FBXO42: variants seen among roughly 807,000 people sequenced by gnomAD.
The protein encoded by FBXO42 is F-box protein 42.
Under a neutral mutation model 71.7 loss-of-function variants are expected in FBXO42, and 12 were observed. The ratio of observed to expected loss-of-function variants is 0.17; its 90% CI spans 0.11 to 0.27. FBXO42 has a LOEUF of 0.27. FBXO42 is among the 10% of genes least tolerant of loss of function. FBXO42 has a pLI of 1.00. For synonymous variants in FBXO42, 325 were observed against 327.5 expected (o/e 0.99, Z 0.08); for missense variants, 707 against 911.9 (o/e 0.78, Z 2.89).
At position 16,251,678 on chromosome 1, in the gene FBXO42, G is replaced by T; in HGVS notation, c.1146C>A (p.Leu382=). The change falls in exon 10 of 10, where the codon CTC becomes CTA. Residue 382 remains leucine, a synonymous_variant. Transcript: ENST00000375592. This position sits in a 1 kb window ranked among gnomAD's most constrained non-coding sequence, Gnocchi z 4.5. ...PSPISATPPA[L]VPETREYRSQ... ...AGCGGTACTCTCGGGTTTCAGGAAC[G>T]AGAGCTGGAGGAGTGGCACTGATAG... The T allele has an allele frequency of 6.2e-7, 1 of 1,614,214 alleles. No individual in the cohort carries two copies. The highest frequency in any genetic ancestry group is 1.1e-5 in the South Asian group (1 of 91,080).
At chr1:16,268,139 G>T (rs2081799040) in intron 4 of FBXO42, among the ~76,000 whole-genome samples, 1 of 151,836 alleles carries the variant, frequency 6.6e-6, no homozygotes, top group Non-Finnish European at 1.5e-5. Context: ...GGGGCATAGG[G>T]GGTACTCTTT....
chr1:16,308,167 G>C (rs1401345218), intron 2 of FBXO42, among the ~76,000 whole-genome samples: 1 of 151,988 alleles, frequency 6.6e-6, no homozygotes, highest in Non-Finnish European at 1.5e-5. Flanking sequence ...TTTTAATAGA[G>C]GTGGGGTCTC....
intron 2 of FBXO42, among the ~76,000 whole-genome samples, chr1:16,314,743 G>A (rs1439821813): frequency 6.6e-6 from 1 of 152,058 alleles, no homozygotes; most frequent in African/African-American, 2.4e-5. Flanking sequence ...AATCAGCCGG[G>A]CGTGGTGGCA....
intron 2 of FBXO42, among the ~76,000 whole-genome samples, chr1:16,312,370 A>C (rs2082321379): frequency 6.6e-6 from 1 of 152,168 alleles, no homozygotes; most frequent in Admixed American, 6.5e-5. Flanking sequence ...TCAAAAAATA[A>C]GGAGGAAACT....
At chr1:16,319,172 G>A (rs147749504) in intron 1 of FBXO42, among the ~76,000 whole-genome samples, 128 of 152,204 alleles carry the variant, frequency 8.4e-4, no homozygotes, top group Non-Finnish European at 1.3e-3. Context: ...GGAAGGAAAC[G>A]AAGAGTAATC....
Position 16,315,379 on chromosome 1 carries a change from C to T in FBXO42, c.40G>A (p.Ala14Thr), listed in dbSNP as rs778241299. Residue 14 changes from alanine to threonine, a missense_variant, in exon 2 of 10, where the codon GCT (alanine) becomes ACT (threonine). By Grantham distance (58) the Ala-to-Thr change is moderately conservative. This residue lies in a region of FBXO42 where 188 missense variants were observed against 230.5 expected (regional missense o/e 0.82). Coordinates refer to ENST00000375592, the MANE Select transcript of FBXO42 (RefSeq NM_018994.3). ...SSDSEDDSFM[A>T]VDQEETVLEG... ...AGCACAGTTTCTTCCTGGTCCACAG[C>T]CATGAAACTGTCATCTTCACTGTCC... is the stretch of plus-strand genomic sequence containing the variant. The T allele has an allele frequency of 6.2e-7, 1 of 1,614,168 alleles. No homozygotes were observed. The highest frequency in any genetic ancestry group is 8.5e-7 in the Non-Finnish European group (1 of 1,180,026).
intron 1 of FBXO42, among the ~76,000 whole-genome samples, chr1:16,344,630 C>A (rs990931034): frequency 2.0e-5 from 3 of 151,806 alleles, no homozygotes; most frequent in Non-Finnish European, 4.4e-5. Flanking sequence ...GCCACAGCAC[C>A]CATCCAGTTG....
At chr1:16,263,782 CA>C (rs1444020329) in intron 4 of FBXO42, among the ~76,000 whole-genome samples, 1 of 146,414 alleles carries the variant, frequency 6.8e-6, no homozygotes, top group Non-Finnish European at 1.5e-5. Flanking sequence ...AAAACAAAAA[CA>C]AAAAACCCAC....
At position 16,252,501 on chromosome 1, in the gene FBXO42, T is replaced by C. The variant is rs2081603900; in HGVS notation, c.922-97A>G. ...AGTCTCAAAGCTCTCCTGTCTGGTC[T>C]TGAAAGGATGTGGACTCTTCAGAAG... On this transcript the variant is annotated intron_variant, in intron 8 of 9. Coordinates refer to ENST00000375592, the MANE Select transcript of FBXO42 (RefSeq NM_018994.3). The surrounding 1 kb of genome is among the most constrained non-coding windows in gnomAD (Gnocchi z 4.4). The C allele has an allele frequency of 6.2e-6, 6 of 974,408 alleles. No individual in the cohort carries two copies. Among genetic ancestry groups the C allele is most frequent in the Non-Finnish European group, 9.7e-6 (6 of 618,704 alleles). The allele number at this position is 974,408 out of a possible 1,614,324, so 60.4% of individuals were successfully genotyped here. A position where few individuals can be genotyped will look rare whatever the true frequency, so the allele number is the denominator to read the frequency against.
chr1:16,292,095 A>G (rs1234052598), intron 4 of FBXO42, among the ~76,000 whole-genome samples: 1 of 152,218 alleles, frequency 6.6e-6, no homozygotes, highest in Non-Finnish European at 1.5e-5. Context: ...TCTTTGAGAC[A>G]TTTTGTTAGA....
intron 2 of FBXO42, among the ~76,000 whole-genome samples, chr1:16,311,499 A>ATATATAT (rs1553153690): frequency 2.9e-5 from 2 of 68,708 alleles, no homozygotes; most frequent in Non-Finnish European, 6.7e-5. Context: ...AAAAAAAAAA[A>ATATATAT]AAAAATATAT....
intron 1 of FBXO42, among the ~76,000 whole-genome samples, chr1:16,334,093 G>C (rs1353560228): frequency 6.6e-6 from 1 of 152,016 alleles, no homozygotes; most frequent in Non-Finnish European, 1.5e-5. Flanking sequence ...ATGAAATTCA[G>C]CTACCAGACA....
At position 16,251,609 on chromosome 1, in the gene FBXO42, G is replaced by T. The variant is rs146643943; in HGVS notation, c.1215C>A (p.Asn405Lys). Residue 405 changes from asparagine (N) to lysine (K), a missense_variant, in exon 10 of 10, where the codon AAC (asparagine) becomes AAA (lysine). By Grantham distance (94) the Asn-to-Lys change is moderately conservative. Around this residue, in one of 5 missense-constraint regions of FBXO42, gnomAD observed 482 missense variants for 587.1 expected, o/e 0.82. Transcript: ENST00000375592. The surrounding 1 kb of genome is among the most constrained non-coding windows in gnomAD (Gnocchi z 4.5). ...VRSMDEAPCV[N>K]GRWGTLRPRA... ...TGGGTCTCAGTGTTCCCCAGCGGCCGTTAACACAAGGAGCTTCATCCATGC... is the reference window on the plus strand; with the variant it reads ...TGGGTCTCAGTGTTCCCCAGCGGCCTTTAACACAAGGAGCTTCATCCATGC... The T allele has an allele frequency of 6.2e-7, 1 of 1,614,178 alleles. No individual in the cohort carries two copies. The highest frequency in any genetic ancestry group is 8.5e-7 in the Non-Finnish European group (1 of 1,180,042).
In FBXO42 at chr1:16,251,193, GC is replaced by G; in HGVS notation, c.1630del (p.Ala544ProfsTer34). On this transcript the variant is annotated frameshift_variant, in exon 10 of 10. Transcript: ENST00000375592. LOFTEE classifies it high-confidence loss of function. The surrounding 1 kb of genome is among the most constrained non-coding windows in gnomAD (Gnocchi z 4.5). The part of the protein sequence containing the change: ...TNGVHTPPHV[A>X]SALAGAVSPG... ...GGAGACGGCCCCTGCAAGGGCACTG[GC>G]CACGTGAGGTGGGGTATGCACACCA... 6.2e-7 allele frequency: 1 copy of G among 1,614,162 alleles called. No homozygotes were observed. Among genetic ancestry groups the G allele is most frequent in the South Asian group, 1.1e-5 (1 of 91,084 alleles).
chr1:16,273,261 C>T (rs1249357112), intron 4 of FBXO42, among the ~76,000 whole-genome samples: 8 of 152,156 alleles, frequency 5.3e-5, no homozygotes, highest in Non-Finnish European at 1.0e-4. Flanking sequence ...GTATTACTAA[C>T]GAGCCTCCTT....
chr1:16,319,695 G>A (rs1257172717), intron 1 of FBXO42, among the ~76,000 whole-genome samples: 1 of 151,674 alleles, frequency 6.6e-6, no homozygotes, highest in African/African-American at 2.4e-5. Context: ...GGCGGATCAC[G>A]AGCTCGGGAG....
Position 16,315,444 on chromosome 1 carries a change from G to C in FBXO42, c.-17-9C>G. The C allele has an allele frequency of 2.5e-6, 4 of 1,607,822 alleles. No homozygotes were observed. The highest frequency in any genetic ancestry group is 3.4e-6 in the Non-Finnish European group (4 of 1,176,642). On this transcript the variant is annotated splice_polypyrimidine_tract_variant and intron_variant, in intron 1 of 9. Transcript: ENST00000375592. ...GACATTCCACTCAACAGCTGTAATAGGTAAAACATAAATATCAGTATTCCA... is the reference window on the plus strand; with the variant it reads ...GACATTCCACTCAACAGCTGTAATACGTAAAACATAAATATCAGTATTCCA...
intron 1 of FBXO42, among the ~76,000 whole-genome samples, chr1:16,330,217 G>T (rs765642023): frequency 2.0e-4 from 31 of 152,254 alleles, no homozygotes; most frequent in Middle Eastern, 3.4e-3. Context: ...ATGGGGAAAT[G>T]AAGATTAAAA....
chr1:16,255,943 A>G (rs908498764), intron 5 of FBXO42, 122 bp from the exon 6 acceptor site: 12 of 693,940 alleles, frequency 1.7e-5, no homozygotes, highest in East Asian at 1.1e-4. Context: ...TGTTGGGATA[A>G]TAAGTAGAGG....
Sources: gnomAD v4.1 joint callset for allele counts (sites outside exome capture counted in the v4.1 genomes callset) on GRCh38, gnomAD v4.1.1 for gene constraint, gnomAD v4.1.1 regional missense constraint, Gnocchi (gnomAD v3.1) non-coding constraint, MANE v1.5 for transcripts, NCBI Gene and HGNC (gene_info 2026-07-23, HGNC 2026-07-21) for gene names.